Variants in EPS8L3 observed in about 807,000 individuals in gnomAD.
EPS8L3 encodes epidermal growth factor receptor kinase substrate 8-like protein 3.
EPS8L3 carries 80 observed loss-of-function variants against 88.5 expected under a neutral mutation model. That is an observed-to-expected ratio of 0.90 (90% CI 0.75 to 1.09). EPS8L3 has a LOEUF of 1.09. Ranked by LOEUF, EPS8L3 falls within the 50% of genes least tolerant of loss-of-function variation. The probability of loss-of-function intolerance (pLI) is 0.00; values close to 1 mark genes in which losing one functional copy is unlikely to be tolerated. For synonymous variants in EPS8L3, 286 were observed against 291.0 expected, an observed-to-expected ratio of 0.98 and a Z score of 0.18; for missense variants, 721 against 735.2, an observed-to-expected ratio of 0.98 and a Z score of 0.22.
In EPS8L3 at chr1:109,759,632, C is replaced by G; in HGVS notation, c.255+46G>C. 2 of 1,598,604 alleles carry G rather than the reference C, an allele frequency of 1.3e-6. No homozygotes were observed. Among genetic ancestry groups the G allele is most frequent in the Non-Finnish European group, 1.7e-6 (2 of 1,173,866 alleles). On this transcript the variant is annotated intron_variant, in intron 4 of 18. Coordinates refer to ENST00000361965, the MANE Select transcript of EPS8L3 (RefSeq NM_133181.4). The surrounding 1 kb of genome is among the most constrained non-coding windows in gnomAD (Gnocchi z 4.2). ...GAGTTCAAGAGCTAGTGCTTGCTTC[C>G]CCACAGCCCAGGCTGGCTATCACTG...
At position 109,761,368 on chromosome 1, in the gene EPS8L3, G is replaced by A. The variant is rs947988858; in HGVS notation, c.96+127C>T. 316 of 781,036 alleles carry A rather than the reference G, an allele frequency of 4.0e-4. 6 individuals are homozygous for A. Among genetic ancestry groups the A allele is most frequent in the South Asian group, 1.2e-3 (68 of 57,660 alleles). 48.4% of individuals were successfully genotyped at this position (781,036 alleles called of 1,614,324 possible). A position where few individuals can be genotyped will look rare whatever the true frequency, so the allele number is the denominator to read the frequency against. ...GTTGGATCTGAGTCCATGCGACATG[G>A]TTGGGACAGGCTGTTGGCTTCTGGG... On this transcript the variant is annotated intron_variant, in intron 3 of 18. Coordinates refer to ENST00000361965, the MANE Select transcript of EPS8L3 (RefSeq NM_133181.4).
intron 1 of EPS8L3, 116 bp from the exon 2 acceptor site, chr1:109,761,889 A>C: frequency 2.3e-6 from 2 of 859,450 alleles, no homozygotes; most frequent in Non-Finnish European, 3.7e-6. Context: ...CCAGACCCAA[A>C]GCCCCTGGCT....
At chr1:109,755,700 T>C (rs1244913295) in intron 12 of EPS8L3, among the ~76,000 whole-genome samples, 1 of 152,166 alleles carries the variant, frequency 6.6e-6, no homozygotes, top group Non-Finnish European at 1.5e-5. Context: ...ACACCTGTGG[T>C]CCCAGCTATT....
chr1:109,762,873 C>T lies in EPS8L3; in HGVS notation c.-25+949G>A, dbSNP rs374921439. Reference sequence around the variant, plus strand: ...AACATGCCTCTGCCGCTGGGCTGTGCGCAGTCACAGAGGGAGTCTAGAGAA... The same window carrying T: ...AACATGCCTCTGCCGCTGGGCTGTGTGCAGTCACAGAGGGAGTCTAGAGAA... On this transcript the variant is annotated intron_variant, in intron 1 of 18. Coordinates refer to ENST00000361965, the MANE Select transcript of EPS8L3 (RefSeq NM_133181.4). Among the ~76,000 whole-genome samples, 13 of 152,298 alleles carry T rather than the reference C, an allele frequency of 8.5e-5. No individual in the cohort carries two copies. The East Asian group carries it at 2.1e-3, about 25-fold the overall frequency.
intron 12 of EPS8L3, among the ~76,000 whole-genome samples, chr1:109,754,276 C>G (rs1429352014): frequency 6.6e-6 from 1 of 152,204 alleles, no homozygotes; most frequent in East Asian, 1.9e-4. Context: ...CATTTAAAAT[C>G]CTGATTGCCA....
rs2101536852 is a variant in EPS8L3, at chr1:109,761,579, G to A, written c.32-20C>T. On this transcript the variant is annotated intron_variant, in intron 2 of 18. Transcript: ENST00000361965. ...GGTGCACTACAAGGGCACAGAGCAA[G>A]GGGCGGGAGGTGGGCAGAAGAACGA... The A allele has an allele frequency of 1.2e-6, 2 of 1,613,442 alleles. No homozygotes were observed. Among genetic ancestry groups the A allele is most frequent in the Non-Finnish European group, 1.7e-6 (2 of 1,179,568 alleles).
chr1:109,755,062 A>G (rs1434090504), intron 12 of EPS8L3, among the ~76,000 whole-genome samples: 2 of 152,254 alleles, frequency 1.3e-5, no homozygotes, highest in Admixed American at 1.3e-4. Context: ...TTATCCAGCT[A>G]TAAAAAGGAA....
Position 109,759,552 on chromosome 1 carries a change from C to G in EPS8L3, c.255+126G>C, listed in dbSNP as rs1301152758. ...CCTCTGTCCCCTGTCTCTTCCTAGG[C>G]TTGGGTGTGTGTTGTATGTGGGGAG... is the stretch of plus-strand genomic sequence containing the variant. On this transcript the variant is annotated intron_variant, in intron 4 of 18. Transcript: ENST00000361965. This position sits in a 1 kb window ranked among gnomAD's most constrained non-coding sequence, Gnocchi z 4.2. 1.3e-6 allele frequency: 2 copies of G among 1,485,448 alleles called. No homozygotes were observed. Among genetic ancestry groups the G allele is most frequent in the African/African-American group, 1.4e-5 (1 of 71,810 alleles). 92.0% of individuals were successfully genotyped at this position (1,485,448 alleles called of 1,614,324 possible).
chr1:109,753,663 C>T (rs1486553390), intron 12 of EPS8L3, among the ~76,000 whole-genome samples: 1 of 152,198 alleles, frequency 6.6e-6, no homozygotes, highest in Non-Finnish European at 1.5e-5. Context: ...AGCCGAGCTG[C>T]TCCTGTTGAC....
intron 8 of EPS8L3, 48 bp from the exon 9 acceptor site, chr1:109,758,106 C>T: frequency 6.5e-7 from 1 of 1,539,084 alleles, no homozygotes; most frequent in Middle Eastern, 1.9e-4. Flanking sequence ...TGGGCCCACC[C>T]TGGAACTCCC....
intron 1 of EPS8L3, 44 bp from the exon 2 acceptor site, chr1:109,761,817 A>G: frequency 6.4e-7 from 1 of 1,568,792 alleles, no homozygotes; most frequent in Non-Finnish European, 8.8e-7. Flanking sequence ...GAGCTGGGGA[A>G]AGGTGTACCA....
chr1:109,756,638 T>TA (rs1388612733), intron 12 of EPS8L3, among the ~76,000 whole-genome samples: 3 of 152,250 alleles, frequency 2.0e-5, no homozygotes, highest in African/African-American at 7.2e-5. Context: ...GTCTTACTGA[T>TA]ATTACATTTG....
intron 12 of EPS8L3, among the ~76,000 whole-genome samples, chr1:109,754,902 A>G (rs1289695410): frequency 6.6e-6 from 1 of 152,208 alleles, no homozygotes; most frequent in Non-Finnish European, 1.5e-5. Flanking sequence ...CTCTGGTATG[A>G]GATGGGAGGT....
At chr1:109,750,553 C>T (rs1374287957) in intron 18 of EPS8L3, 107 bp downstream of exon 18, 2 of 1,589,264 alleles carry the variant, frequency 1.3e-6, no homozygotes, top group Middle Eastern at 1.7e-4. Context: ...CCGCCACACT[C>T]AGTTCTGCCC....
chr1:109,757,209 G>A, intron 11 of EPS8L3, 44 bp from the exon 12 acceptor site: 2 of 1,549,054 alleles, frequency 1.3e-6, no homozygotes, highest in Non-Finnish European at 1.7e-6. Context: ...GGCTCCCACA[G>A]GGCCCAGTGA....
At position 109,751,382 on chromosome 1, in the gene EPS8L3, C is replaced by T. The variant is rs773648015; in HGVS notation, c.1564-31G>A. The T allele has an allele frequency of 3.7e-6, 6 of 1,605,382 alleles. No homozygotes were observed. In the East Asian group the frequency reaches 1.1e-4, roughly 30 times the overall value. On this transcript the variant is annotated intron_variant, in intron 16 of 18. Coordinates refer to ENST00000361965, the MANE Select transcript of EPS8L3 (RefSeq NM_133181.4). ...ATCAGGGGGAACCAGGGATCAGAGT[C>T]CATCTCATCTCACAGCCAACCACAG... is the stretch of plus-strand genomic sequence containing the variant.
intron 6 of EPS8L3, 114 bp from the exon 7 acceptor site, chr1:109,758,777 C>T (rs1557997902): frequency 7.5e-7 from 1 of 1,331,068 alleles, no homozygotes; most frequent in African/African-American, 1.5e-5. Context: ...AGGAGTCCCA[C>T]CCCCTGCTCC....
At chr1:109,757,206 ACAG>A in intron 11 of EPS8L3, 41 bp from the exon 12 acceptor site, 1 of 1,555,028 alleles carries the variant, frequency 6.4e-7, no homozygotes, top group Non-Finnish European at 8.7e-7. Flanking sequence ...CTAGGCTCCC[ACAG>A]GGCCCAGTGA....
chr1:109,750,646 C>T lies in EPS8L3; in HGVS notation c.1770+14G>A. 1 of 1,614,084 alleles carries T rather than the reference C, an allele frequency of 6.2e-7. No individual in the cohort carries two copies. Among genetic ancestry groups the T allele is most frequent in the Non-Finnish European group, 8.5e-7 (1 of 1,179,988 alleles). On this transcript the variant is annotated intron_variant, in intron 18 of 18. Coordinates refer to ENST00000361965, the MANE Select transcript of EPS8L3 (RefSeq NM_133181.4). ...ACACTCCCAATGGTTGTCAGGACCC[C>T]AGGGTGTCCTCACCCCCAGCATCCT...
Sources: allele counts gnomAD v4.1 joint callset (sites outside exome capture counted in the v4.1 genomes callset), GRCh38; gene constraint gnomAD v4.1.1; non-coding constraint Gnocchi (gnomAD v3.1); transcripts MANE v1.5; gene names NCBI Gene and HGNC (gene_info 2026-07-23, HGNC 2026-07-21).